The following VPS13B variants were observed in gnomAD, a reference collection of about 807,000 sequenced individuals.
VPS13B encodes the protein vacuolar protein sorting 13 homolog B, also known as intermembrane lipid transfer protein VPS13B.
A neutral mutation model predicts 426.4 loss-of-function variants in VPS13B; 285 were observed. The ratio of observed to expected loss-of-function variants is 0.67; its 90% CI spans 0.61 to 0.74. The LOEUF (loss-of-function observed/expected upper bound fraction) is 0.74, where lower values mean the gene tolerates loss of function less well. Ranked by LOEUF, VPS13B falls within the 30% of genes least tolerant of loss-of-function variation. The pLI, the probability that VPS13B is intolerant of heterozygous loss-of-function variation, is 0.00. For missense variants in VPS13B, 4,537 were observed against 4,782.6 expected, an observed-to-expected ratio of 0.95 and a Z score of 1.51; for synonymous variants, 1,676 against 1,676.4, an observed-to-expected ratio of 1.00 and a Z score of 0.01.
At chr8:99,351,632 C>T (rs1321805392) in intron 19 of VPS13B, among the ~76,000 whole-genome samples, 2 of 152,010 alleles carry the variant, frequency 1.3e-5, no homozygotes, top group African/African-American at 2.4e-5. Context: ...GGAATTTTTG[C>T]ATAGCGTTTC....
rs377491166 is a variant in VPS13B, at chr8:99,431,468, T to C, written c.3083-69T>C. The C allele has an allele frequency of 1.3e-4, 207 of 1,558,864 alleles. 2 individuals carry two copies. In the East Asian group the frequency reaches 3.7e-3, roughly 28 times the overall value. On this transcript the variant is annotated intron_variant, in intron 21 of 61. Transcript: ENST00000357162. ...GCAAGGAAAGAAACAATCTTGAAAA[T>C]ACGTTTGGTATGTTCTGTGAAATTG... is the stretch of plus-strand genomic sequence containing the variant.
intron 25 of VPS13B, among the ~76,000 whole-genome samples, chr8:99,494,201 G>T (rs1820773545): frequency 6.6e-6 from 1 of 151,944 alleles, no homozygotes; most frequent in South Asian, 2.1e-4. Flanking sequence ...ATACAGTTCT[G>T]TGGTATTAAG....
At chr8:99,626,254 T>C (rs1265340712) in intron 33 of VPS13B, among the ~76,000 whole-genome samples, 2 of 152,206 alleles carry the variant, frequency 1.3e-5, no homozygotes, top group African/African-American at 2.4e-5. Flanking sequence ...AGAATATTAC[T>C]TGACCACAAA....
At chr8:99,767,628 A>G (rs1811293195) in intron 40 of VPS13B, among the ~76,000 whole-genome samples, 1 of 152,086 alleles carries the variant, frequency 6.6e-6, no homozygotes, top group African/African-American at 2.4e-5. Context: ...CTCACTGGCC[A>G]TAAAGAATCC....
intron 33 of VPS13B, among the ~76,000 whole-genome samples, chr8:99,589,957 C>T (rs1038918060): frequency 2.0e-5 from 3 of 152,086 alleles, no homozygotes; most frequent in Non-Finnish European, 2.9e-5. Context: ...GCTGTGAATC[C>T]GTCTGGTCCT....
At chr8:99,474,354 A>G (rs547363041) in intron 24 of VPS13B, among the ~76,000 whole-genome samples, 1 of 151,568 alleles carries the variant, frequency 6.6e-6, no homozygotes, top group Non-Finnish European at 1.5e-5. Context: ...ACACCTGGCT[A>G]ATTTTTGTAT....
intron 21 of VPS13B, among the ~76,000 whole-genome samples, chr8:99,410,913 A>G (rs1477335344): frequency 1.3e-5 from 2 of 152,158 alleles, no homozygotes; most frequent in African/African-American, 4.8e-5. Context: ...TTATGGCTGC[A>G]TAGTAATCCA....
chr8:99,089,807 C>T (rs1271507469), intron 3 of VPS13B, among the ~76,000 whole-genome samples: 1 of 152,144 alleles, frequency 6.6e-6, no homozygotes, highest in African/African-American at 2.4e-5. Context: ...AAGGGATTCT[C>T]TACAGAATAT....
chr8:99,856,397 A>G (rs935179374), intron 56 of VPS13B, among the ~76,000 whole-genome samples: 15 of 152,228 alleles, frequency 9.9e-5, no homozygotes, highest in African/African-American at 3.6e-4. Flanking sequence ...CCAGGTTAGC[A>G]TCCTTGTCGA....
intron 33 of VPS13B, among the ~76,000 whole-genome samples, chr8:99,639,974 CT>C (rs1829244239): frequency 7.8e-6 from 1 of 128,840 alleles, no homozygotes; most frequent in South Asian, 2.6e-4. Flanking sequence ...AAGACTCTCT[CT>C]TTAAAAATAG....
At chr8:99,799,469 CAGGCACTA>C (rs911876624) in intron 43 of VPS13B, among the ~76,000 whole-genome samples, 1 of 152,170 alleles carries the variant, frequency 6.6e-6, no homozygotes, top group African/African-American at 2.4e-5. Flanking sequence ...TCTTGTTATA[CAGGCACTA>C]AGAAGCAGCG....
At chr8:99,172,594 A>G (rs1812405017) in intron 16 of VPS13B, among the ~76,000 whole-genome samples, 2 of 152,308 alleles carry the variant, frequency 1.3e-5, no homozygotes, top group African/African-American at 2.4e-5. Context: ...GGGGACATAT[A>G]TAATCTTCTG....
chr8:99,275,944 A>G (rs954582602), intron 19 of VPS13B, among the ~76,000 whole-genome samples: 3 of 152,304 alleles, frequency 2.0e-5, no homozygotes, highest in South Asian at 2.1e-4. Context: ...TAATATAGAC[A>G]TTTGTTTTAA....
chr8:99,265,351 A>G (rs1818242985), intron 17 of VPS13B, among the ~76,000 whole-genome samples: 1 of 152,186 alleles, frequency 6.6e-6, no homozygotes, highest in Non-Finnish European at 1.5e-5. Context: ...ATCGATTATC[A>G]GTGTCATGTT....
chr8:99,720,601 C>T (rs1243748804), intron 38 of VPS13B, 49 bp downstream of exon 38: 1 of 1,568,522 alleles, frequency 6.4e-7, no homozygotes, highest in South Asian at 1.1e-5. Flanking sequence ...CATGTGGTTG[C>T]ATTTTAAATG....
chr8:99,016,181 G>T (rs1418990027), intron 2 of VPS13B, among the ~76,000 whole-genome samples: 1 of 152,206 alleles, frequency 6.6e-6, no homozygotes, highest in Admixed American at 6.5e-5. Flanking sequence ...GGTGAAGAAA[G>T]CTTCCATAAA....
intron 35 of VPS13B, among the ~76,000 whole-genome samples, chr8:99,670,242 T>G (rs1830654132): frequency 6.6e-6 from 1 of 150,906 alleles, no homozygotes; most frequent in Non-Finnish European, 1.5e-5. Flanking sequence ...TCGATTTTTC[T>G]GGAGTAGAAA....
At chr8:99,641,672 C>G in intron 33 of VPS13B, 139 bp from the exon 34 acceptor site, 2 of 802,532 alleles carry the variant, frequency 2.5e-6, no homozygotes, top group Non-Finnish European at 3.7e-6. Flanking sequence ...GGCACCTATT[C>G]TATTTTTCTG....
At chr8:99,507,257 C>T in intron 28 of VPS13B, 54 bp downstream of exon 28, 3 of 1,557,926 alleles carry the variant, frequency 1.9e-6, no homozygotes, top group African/African-American at 1.4e-5. Flanking sequence ...AACTGTTTAT[C>T]TTGTTATTTC....
Sources: gnomAD v4.1 joint callset for allele counts (sites outside exome capture counted in the v4.1 genomes callset) on GRCh38, gnomAD v4.1.1 for gene constraint, MANE v1.5 for transcripts, NCBI Gene and HGNC (gene_info 2026-07-23, HGNC 2026-07-21) for gene names.